Variants in AGAP1 observed in about 807,000 individuals in gnomAD.
The protein encoded by AGAP1 is ArfGAP with GTPase domain, ankyrin repeat and PH domain 1.
AGAP1 carries 29 observed loss-of-function variants against 105.3 expected under a neutral mutation model. The observed-to-expected ratio is 0.28, with a 90% CI of 0.21 to 0.38. AGAP1 has a LOEUF of 0.38. Ranked by LOEUF, AGAP1 falls within the 10% of genes least tolerant of loss-of-function variation. The probability of loss-of-function intolerance (pLI) is 1.00; values close to 1 mark genes in which losing one functional copy is unlikely to be tolerated. For synonymous variants in AGAP1, 509 were observed against 485.9 expected, an observed-to-expected ratio of 1.05 and a Z score of -0.63; for missense variants, 998 against 1,165.1, an observed-to-expected ratio of 0.86 and a Z score of 2.09.
chr2:235,989,757 A>C lies in AGAP1; in HGVS notation c.1645+21134A>C, dbSNP rs1452268614. On this transcript the variant is annotated intron_variant, in intron 13 of 17. Transcript: ENST00000304032. This position sits in a 1 kb window ranked among gnomAD's most constrained non-coding sequence, Gnocchi z 4.4. Reference sequence around the variant, plus strand: ...GGTCAGTGGGAGGAGGACTGAAGACATTGGCAAGCATCAGTCCGTGCGGGA... The same window carrying C: ...GGTCAGTGGGAGGAGGACTGAAGACCTTGGCAAGCATCAGTCCGTGCGGGA... Among the ~76,000 whole-genome samples the C allele has an allele frequency of 6.6e-6, 1 of 152,180 alleles. No individual in the cohort carries two copies. The highest frequency in any genetic ancestry group is 1.5e-5 in the Non-Finnish European group (1 of 68,024).
intron 1 of AGAP1, among the ~76,000 whole-genome samples, chr2:235,630,712 G>T (rs1021375719): frequency 5.9e-5 from 9 of 152,236 alleles, no homozygotes; most frequent in African/African-American, 1.9e-4. Context: ...CTCCTTCTCT[G>T]CCCTGGTGTG....
rs1232655886 is a variant in AGAP1, at chr2:235,967,927, GA to G, written c.1484-528del. On this transcript the variant is annotated intron_variant, in intron 12 of 17. Transcript: ENST00000304032. This position sits in a 1 kb window ranked among gnomAD's most constrained non-coding sequence, Gnocchi z 4.7. ...TGTCACTGGACATTGGTGAGAGAGAGAAAAAAATGGCATAGAATTTTTCACT... is the reference window on the plus strand; with the variant it reads ...TGTCACTGGACATTGGTGAGAGAGAGAAAAAATGGCATAGAATTTTTCACT... Among the ~76,000 whole-genome samples the G allele has an allele frequency of 6.6e-6, 1 of 152,028 alleles. No individual in the cohort carries two copies. The highest frequency in any genetic ancestry group is 1.5e-5 in the Non-Finnish European group (1 of 67,994).
chr2:235,929,758 A>C (rs540828302), intron 11 of AGAP1, among the ~76,000 whole-genome samples: 1 of 152,302 alleles, frequency 6.6e-6, no homozygotes, highest in East Asian at 1.9e-4. Flanking sequence ...TTCTGAATCA[A>C]AATCTGTATT....
intron 6 of AGAP1, among the ~76,000 whole-genome samples, chr2:235,765,264 G>A (rs199580711): frequency 2.9e-4 from 38 of 132,738 alleles, no homozygotes; most frequent in South Asian, 7.7e-4. Context: ...ATCTGGGAGC[G>A]TCCGTGGGGG....
At position 235,567,074 on chromosome 2, in the gene AGAP1, A is replaced by G. The variant is rs112157700; in HGVS notation, c.163+72225A>G. ...TTGGGAGGACACTATTCACCCCAGT[A>G]CAAGCTTGAGCCTGGTTGCGGGGAC... On this transcript the variant is annotated intron_variant, in intron 1 of 17. Coordinates refer to ENST00000304032, the MANE Select transcript of AGAP1 (RefSeq NM_001037131.3). Among the ~76,000 whole-genome samples the G allele has an allele frequency of 2.4e-4, 36 of 152,270 alleles. 1 individual carries two copies. The highest frequency in any genetic ancestry group is 8.7e-4 in the African/African-American group (36 of 41,566).
chr2:235,576,726 G>A (rs1033948471), intron 1 of AGAP1, among the ~76,000 whole-genome samples: 4 of 152,220 alleles, frequency 2.6e-5, no homozygotes, highest in African/African-American at 7.2e-5. Flanking sequence ...GAGGACTGTC[G>A]CCCCTGCTGC....
intron 16 of AGAP1, among the ~76,000 whole-genome samples, chr2:236,112,084 G>A (rs1032850763): frequency 4.6e-5 from 7 of 152,158 alleles, no homozygotes; most frequent in Non-Finnish European, 7.4e-5. Context: ...GTGATGATTC[G>A]CCCCCACCCT....
intron 12 of AGAP1, among the ~76,000 whole-genome samples, chr2:235,943,783 T>G (rs1240508533): frequency 6.6e-6 from 1 of 152,208 alleles, no homozygotes; most frequent in Non-Finnish European, 1.5e-5. Context: ...CAGCCAGAGA[T>G]GGGTGACAGA....
Position 235,584,050 on chromosome 2 carries a change from G to A in AGAP1, c.163+89201G>A, listed in dbSNP as rs536544549. Among the ~76,000 whole-genome samples the A allele has an allele frequency of 4.5e-3, 682 of 152,204 alleles. 4 individuals carry two copies. Among genetic ancestry groups the A allele is most frequent in the Non-Finnish European group, 7.7e-3 (524 of 68,030 alleles). ...TGAATTGCCCACATTGCATTATCAG[G>A]ATTGAAAACATAGTAGTGGCACAGC... On this transcript the variant is annotated intron_variant, in intron 1 of 17. Coordinates refer to ENST00000304032, the MANE Select transcript of AGAP1 (RefSeq NM_001037131.3).
In AGAP1 at chr2:235,730,218, G is replaced by A. The variant is rs73126424; in HGVS notation, c.311-10745G>A. Reference sequence around the variant, plus strand: ...ATCTAAAGTTATGTTCACATAGGAAGCACTAGTGTAGAGAAATAGGGTCTG... The same window carrying A: ...ATCTAAAGTTATGTTCACATAGGAAACACTAGTGTAGAGAAATAGGGTCTG... On this transcript the variant is annotated intron_variant, in intron 3 of 17. Transcript: ENST00000304032. 3.3e-3 allele frequency among the ~76,000 whole-genome samples: 505 copies of A among 152,204 alleles called. 5 individuals are homozygous for A. The highest frequency in any genetic ancestry group is 0.011 in the African/African-American group (440 of 41,488).
Position 235,807,223 on chromosome 2 carries a change from T to C in AGAP1, c.958-16T>C, listed in dbSNP as rs746989531. On this transcript the variant is annotated splice_polypyrimidine_tract_variant and intron_variant, in intron 8 of 17. Coordinates refer to ENST00000304032, the MANE Select transcript of AGAP1 (RefSeq NM_001037131.3). ...ACAGCCCTTACCCAGATGCCAACTT[T>C]CCTTTTGCTTTGCAGTCTCGGAAAG... is the stretch of plus-strand genomic sequence containing the variant. 14 of 1,608,630 alleles carry C rather than the reference T, an allele frequency of 8.7e-6. 1 individual carries two copies. The highest frequency in any genetic ancestry group is 7.7e-5 in the South Asian group (7 of 90,460).
intron 8 of AGAP1, among the ~76,000 whole-genome samples, chr2:235,806,303 T>C (rs948247802): frequency 6.6e-6 from 1 of 152,166 alleles, no homozygotes; most frequent in African/African-American, 2.4e-5. Flanking sequence ...TGAAAAGTAA[T>C]GGAGTGAAGT....
At position 236,000,258 on chromosome 2, in the gene AGAP1, G is replaced by T. The variant is rs570558979; in HGVS notation, c.1645+31635G>T. Among the ~76,000 whole-genome samples, 1 of 152,238 alleles carries T rather than the reference G, an allele frequency of 6.6e-6. No individual in the cohort carries two copies. Among genetic ancestry groups the T allele is most frequent in the East Asian group, 1.9e-4 (1 of 5,170 alleles). ...TTAAAACTTCGACTTGAAGCGAAAG[G>T]ACTTATAATGAAGCCAGTTTTTTTC... is the stretch of plus-strand genomic sequence containing the variant. On this transcript the variant is annotated intron_variant, in intron 13 of 17. Coordinates refer to ENST00000304032, the MANE Select transcript of AGAP1 (RefSeq NM_001037131.3). This position sits in a 1 kb window ranked among gnomAD's most constrained non-coding sequence, Gnocchi z 4.3.
chr2:235,573,756 C>T (rs1012938731), intron 1 of AGAP1, among the ~76,000 whole-genome samples: 20 of 152,168 alleles, frequency 1.3e-4, no homozygotes, highest in South Asian at 2.1e-4. Context: ...AGGTGTGCCC[C>T]GGCTCATCTG....
chr2:235,895,014 C>T (rs996471164), intron 10 of AGAP1, among the ~76,000 whole-genome samples: 3 of 152,140 alleles, frequency 2.0e-5, no homozygotes, highest in South Asian at 2.1e-4. Flanking sequence ...CCTCGGCCTC[C>T]GTTTTCTCTT....
chr2:235,791,665 A>C (rs1452858041), intron 6 of AGAP1, among the ~76,000 whole-genome samples: 2 of 152,058 alleles, frequency 1.3e-5, no homozygotes, highest in Admixed American at 1.3e-4. Flanking sequence ...CTCCTGCCTC[A>C]GTCTCCCAAG....
chr2:235,832,070 G>C (rs1217990812), intron 9 of AGAP1, among the ~76,000 whole-genome samples: 1 of 152,144 alleles, frequency 6.6e-6, no homozygotes, highest in Admixed American at 6.5e-5. Context: ...ATAATGTGGA[G>C]CATCTTTTCA....
intron 9 of AGAP1, among the ~76,000 whole-genome samples, chr2:235,835,592 G>A (rs745879808): frequency 1.3e-5 from 2 of 152,200 alleles, no homozygotes; most frequent in Admixed American, 6.5e-5. Context: ...TAGCTGGCAC[G>A]TTGTGTAAGC....
intron 9 of AGAP1, among the ~76,000 whole-genome samples, chr2:235,819,770 A>G (rs901712322): frequency 1.3e-5 from 2 of 151,628 alleles, no homozygotes; most frequent in Non-Finnish European, 1.5e-5. Flanking sequence ...GATGGTGCAC[A>G]CTCCGAGACA....
Sources: allele counts gnomAD v4.1 joint callset (sites outside exome capture counted in the v4.1 genomes callset), GRCh38; gene constraint gnomAD v4.1.1; non-coding constraint Gnocchi (gnomAD v3.1); transcripts MANE v1.5; gene names NCBI Gene and HGNC (gene_info 2026-07-23, HGNC 2026-07-21).